UBA7: variants seen among roughly 807,000 people sequenced by gnomAD.
The protein encoded by UBA7 is ubiquitin like modifier activating enzyme 7.
UBA7 carries 88 observed loss-of-function variants against 113.0 expected under a neutral mutation model. That is an observed-to-expected ratio of 0.78 (90% CI 0.66 to 0.93). UBA7 has a LOEUF of 0.93. Ranked by LOEUF, UBA7 falls within the 40% of genes least tolerant of loss-of-function variation. The pLI is 0.00. For synonymous variants in UBA7, 459 were observed against 513.0 expected, an observed-to-expected ratio of 0.89 and a Z score of 1.42; for missense variants, 1,092 against 1,266.4, an observed-to-expected ratio of 0.86 and a Z score of 2.09.
chr3:49,808,904 A>C (rs2081496956), intron 18 of UBA7, 72 bp downstream of exon 18: 4 of 1,533,424 alleles, frequency 2.6e-6, no homozygotes, highest in Non-Finnish European at 3.5e-6. Flanking sequence ...TTCCTTCTGC[A>C]GCACAGGCTG....
In UBA7 at chr3:49,810,505, G is replaced by T. The variant is rs117326576; in HGVS notation, c.1467+12C>A. On this transcript the variant is annotated intron_variant, in intron 12 of 23. Transcript: ENST00000333486. This position sits in a 1 kb window ranked among gnomAD's most constrained non-coding sequence, Gnocchi z 5.6. ...CTGGGATGCAGGAGTGTGGAGAGGGGTCAGCACTCACACCAACGTCCTGGG... is the reference window on the plus strand; with the variant it reads ...CTGGGATGCAGGAGTGTGGAGAGGGTTCAGCACTCACACCAACGTCCTGGG... 7.4e-6 allele frequency: 12 copies of T among 1,614,008 alleles called. No individual in the cohort carries two copies. Among genetic ancestry groups the T allele is most frequent in the East Asian group, 2.2e-5 (1 of 44,898 alleles).
chr3:49,808,605 A>G, intron 18 of UBA7, 137 bp from the exon 19 acceptor site: 1 of 930,490 alleles, frequency 1.1e-6, no homozygotes, highest in Non-Finnish European at 1.6e-6. Context: ...CCCCTTAATT[A>G]ATGCTACAAT....
chr3:49,812,950 G>T, intron 4 of UBA7, 112 bp downstream of exon 4: 5 of 1,319,412 alleles, frequency 3.8e-6, no homozygotes, highest in Non-Finnish European at 5.3e-6. Context: ...AAGGCATGCT[G>T]GGATAGACCT....
At position 49,810,369 on chromosome 3, in the gene UBA7, C is replaced by T; in HGVS notation, c.1527G>A (p.Val509=). Residue 509 remains valine (V), a synonymous_variant, in exon 13 of 24, where the codon GTG becomes GTA. Transcript: ENST00000333486. The surrounding 1 kb of genome is among the most constrained non-coding windows in gnomAD (Gnocchi z 5.6). ...GATCCAGTGGGTAGGTGAGCGGGAT[C>T]ACCTGTAAGTCTGGGTTCAGGCCCC... The part of the protein sequence containing the change: ...AARGLNPDLQ[V]IPLTYPLDPT... The T allele has an allele frequency of 6.2e-7, 1 of 1,614,158 alleles. No homozygotes were observed. The highest frequency in any genetic ancestry group is 8.5e-7 in the Non-Finnish European group (1 of 1,180,034).
chr3:49,806,512 G>T (rs1430832144), intron 21 of UBA7, among the ~76,000 whole-genome samples: 1 of 152,160 alleles, frequency 6.6e-6, no homozygotes, highest in African/African-American at 2.4e-5. Context: ...AGACAAGGCT[G>T]GGAGCTGGGG....
At position 49,810,838 on chromosome 3, in the gene UBA7, G is replaced by A. The variant is rs2081532986; in HGVS notation, c.1231-6C>T. 1.2e-6 allele frequency: 2 copies of A among 1,614,124 alleles called. No individual in the cohort carries two copies. ...CCATCATAGCGGCTGCCTCTCTAGG[G>A]GACAGAGACGGGGTCAGTGATGGCT... is the stretch of plus-strand genomic sequence containing the variant. On this transcript the variant is annotated splice_region_variant and splice_polypyrimidine_tract_variant and intron_variant, in intron 10 of 23. Transcript: ENST00000333486. The surrounding 1 kb of genome is among the most constrained non-coding windows in gnomAD (Gnocchi z 5.6).
At chr3:49,812,579 A>G in intron 5 of UBA7, 36 bp from the exon 6 acceptor site, 4 of 1,614,078 alleles carry the variant, frequency 2.5e-6, no homozygotes, top group Non-Finnish European at 3.4e-6. Context: ...GGTTGCCTGG[A>G]CCTGCCTTCC....
intron 1 of UBA7, 30 bp downstream of exon 1, chr3:49,813,702 C>A (rs771817754): frequency 3.1e-6 from 5 of 1,614,188 alleles, no homozygotes; most frequent in Non-Finnish European, 4.2e-6. Context: ...GAAGACCATC[C>A]CACTCTCCAC....
intron 21 of UBA7, 160 bp from the exon 22 acceptor site, chr3:49,806,325 C>T (rs1209846315): frequency 6.2e-6 from 4 of 648,368 alleles, no homozygotes; most frequent in Non-Finnish European, 1.1e-5. Context: ...AGAGTCTCAG[C>T]CCCCTCCCCG....
chr3:49,813,927 G>T lies in UBA7; in HGVS notation c.-140C>A. ...GGCCAAGCGAATAAGGGACGCTGCT[G>T]GTCACAGCTCTCTTCCTGGAGAAAA... On this transcript the variant is annotated 5_prime_UTR_variant, in exon 1 of 24. Coordinates refer to ENST00000333486, the MANE Select transcript of UBA7 (RefSeq NM_003335.3). 2.4e-6 allele frequency: 2 copies of T among 846,192 alleles called. No individual in the cohort carries two copies. The highest frequency in any genetic ancestry group is 1.9e-5 in the African/African-American group (1 of 51,674). 52.4% of individuals were successfully genotyped at this position (846,192 alleles called of 1,614,324 possible). A position where few individuals can be genotyped will look rare whatever the true frequency, so the allele number is the denominator to read the frequency against.
At chr3:49,809,257 A>G in intron 17 of UBA7, 98 bp from the exon 18 acceptor site, 10 of 1,536,480 alleles carry the variant, frequency 6.5e-6, no homozygotes, top group Non-Finnish European at 8.8e-6. Flanking sequence ...TTTGCCTCAC[A>G]TGTAGACACC....
At position 49,813,122 on chromosome 3, in the gene UBA7, C is replaced by A. The variant is rs147516140; in HGVS notation, c.407G>T (p.Gly136Val). Residue 136 changes from glycine (G) to valine (V), a missense_variant, in exon 4 of 24, where the codon GGC becomes GTC. Physicochemically the swap from Gly to Val is moderately radical, Grantham distance 109 (BLOSUM62 -3). Around this residue, in one of 3 missense-constraint regions of UBA7, gnomAD observed 584 missense variants for 714.5 expected, o/e 0.82. Coordinates refer to ENST00000333486, the MANE Select transcript of UBA7 (RefSeq NM_003335.3). ...AACTCCATGCTTATGACACAAGGTG[C>A]CCACCTTCAGCTGCTCCTCCAGCTT... is the stretch of plus-strand genomic sequence containing the variant. Reference protein sequence around the residue: ...AAKLEEQLKVGTLCHKHGVCF... With the variant: ...AAKLEEQLKVVTLCHKHGVCF... 4 of 1,614,158 alleles carry A rather than the reference C, an allele frequency of 2.5e-6. No homozygotes were observed. Among genetic ancestry groups the A allele is most frequent in the Non-Finnish European group, 3.4e-6 (4 of 1,180,022 alleles).
intron 6 of UBA7, 74 bp downstream of exon 6, chr3:49,812,334 C>T (rs1418016621): frequency 9.9e-6 from 16 of 1,610,678 alleles, no homozygotes; most frequent in African/African-American, 1.3e-5. Flanking sequence ...AAAACCCATC[C>T]CAAGGGCCAG....
At position 49,810,665 on chromosome 3, in the gene UBA7, G is replaced by A. The variant is rs1166976421; in HGVS notation, c.1319C>T (p.Ala440Val). ...GAGCAGCTCACAACCAATGGCACCA[G>A]CGCCCACCTGTTGGCAGGAACAGCC... ...LRRQHYLLVG[A>V]GAIGCELLKV... Residue 440 changes from alanine (A) to valine (V), a missense_variant, in exon 12 of 24, where the codon GCT becomes GTT. Around this residue, in one of 3 missense-constraint regions of UBA7, gnomAD observed 584 missense variants for 714.5 expected, o/e 0.82. Transcript: ENST00000333486. This position sits in a 1 kb window ranked among gnomAD's most constrained non-coding sequence, Gnocchi z 5.6. The A allele has an allele frequency of 1.2e-6, 2 of 1,613,958 alleles. No individual in the cohort carries two copies. The highest frequency in any genetic ancestry group is 1.1e-5 in the South Asian group (1 of 91,092).
At position 49,811,841 on chromosome 3, in the gene UBA7, C is replaced by T. The variant is rs200983046; in HGVS notation, c.939+29G>A. On this transcript the variant is annotated intron_variant, in intron 8 of 23. Coordinates refer to ENST00000333486, the MANE Select transcript of UBA7 (RefSeq NM_003335.3). ...GTGGGACCCCAATAAATGACAGAGG[C>T]TGGGGGTGGGAGCAACAGGACTACT... is the stretch of plus-strand genomic sequence containing the variant. 2.7e-4 allele frequency: 436 copies of T among 1,609,730 alleles called. 4 individuals are homozygous for T. The highest frequency in any genetic ancestry group is 3.0e-4 in the Non-Finnish European group (348 of 1,177,890).
rs778754440 is a variant in UBA7 at position 49,813,076 on chromosome 3, G to A, written c.453C>T (p.Thr151=). ...GTCTTACTCACCCCACGAGGCCCCG[G>A]GTGTCAGCCGCCAGAAAGCAAACTC... ...KHGVCFLAAD[T]RGLVGQLFCD... is the part of the protein sequence containing the mutation. Residue 151 remains threonine, a synonymous_variant, in exon 4 of 24, where the codon ACC becomes ACT. Transcript: ENST00000333486. 2 of 1,613,544 alleles carry A rather than the reference G, an allele frequency of 1.2e-6. No homozygotes were observed. The highest frequency in any genetic ancestry group is 1.7e-6 in the Non-Finnish European group (2 of 1,179,924).
At position 49,809,699 on chromosome 3, in the gene UBA7, T is replaced by C. The variant is rs1013640265; in HGVS notation, c.1931A>G (p.Asp644Gly). The C allele has an allele frequency of 6.2e-7, 1 of 1,614,106 alleles. No homozygotes were observed. Among genetic ancestry groups the C allele is most frequent in the Non-Finnish European group, 8.5e-7 (1 of 1,180,026 alleles). Residue 644 changes from aspartate (D) to glycine (G), a missense_variant, in exon 16 of 24, where the codon GAT becomes GGT. Asp to Gly is a moderately conservative substitution (Grantham distance 94). Coordinates refer to ENST00000333486, the MANE Select transcript of UBA7 (RefSeq NM_003335.3). ...CAGTAAGGTGAGTGTCTGTGGCTCA[T>C]CCATGTCTGCCAGGGAAGTGTGTGC... Reference protein sequence around the residue: ...QQAHTSLADMDEPQTLTLLKP... With the variant: ...QQAHTSLADMGEPQTLTLLKP...
At position 49,809,163 on chromosome 3, in the gene UBA7, C is replaced by A. The variant is rs1303859274; in HGVS notation, c.2164-4G>T. The A allele has an allele frequency of 6.2e-7, 1 of 1,606,436 alleles. No individual in the cohort carries two copies. Among genetic ancestry groups the A allele is most frequent in the Non-Finnish European group, 8.5e-7 (1 of 1,175,838 alleles). On this transcript the variant is annotated splice_region_variant and splice_polypyrimidine_tract_variant and intron_variant, in intron 17 of 23. Transcript: ENST00000333486. ...GTACGTAGAGGAGGTGTGTGTCCTG[C>A]AGCCAGACCAAGAGCAGGAACAGAG...
chr3:49,806,757 CAG>C (rs2081459665), intron 21 of UBA7, among the ~76,000 whole-genome samples: 2 of 152,068 alleles, frequency 1.3e-5, no homozygotes, highest in Admixed American at 6.5e-5. Flanking sequence ...GAGACCAGGA[CAG>C]GGGGTGCTTA....
Sources: gnomAD v4.1 joint callset for allele counts (sites outside exome capture counted in the v4.1 genomes callset) on GRCh38, gnomAD v4.1.1 for gene constraint, gnomAD v4.1.1 regional missense constraint, Gnocchi (gnomAD v3.1) non-coding constraint, MANE v1.5 for transcripts, NCBI Gene and HGNC (gene_info 2026-07-23, HGNC 2026-07-21) for gene names.